Variants in EMG1 observed in about 807,000 individuals in gnomAD.
EMG1 encodes ribosomal RNA small subunit methyltransferase NEP1.
Under a neutral mutation model 26.9 loss-of-function variants are expected in EMG1, and 24 were observed. That is an observed-to-expected ratio of 0.89 (90% CI 0.65 to 1.26). EMG1 has a LOEUF of 1.26. Ranked by LOEUF, EMG1 falls within the 50% of genes most tolerant of loss-of-function variation. The pLI, the probability that EMG1 is intolerant of heterozygous loss-of-function variation, is 0.00. For synonymous variants in EMG1, 140 were observed against 112.6 expected (o/e 1.24, Z -1.54); for missense variants, 299 against 307.6 (o/e 0.97, Z 0.21).
downstream of EMG1, chr12:6,983,633 G>C (rs1316878521): frequency 2.0e-5 from 15 of 749,838 alleles, no homozygotes; most frequent in Non-Finnish European, 3.2e-5. Context: ...GCAGCCCAGA[G>C]GGAGAGAGAA....
At chr12:6,981,455 GCTATCTGAA>G, downstream of EMG1, 1 of 875,338 alleles carries the variant, frequency 1.1e-6, no homozygotes, top group Non-Finnish European at 1.9e-6. Flanking sequence ...CTTGCTCAGT[GCTATCTGAA>G]AGGGAGATTG....
In EMG1 at chr12:6,977,586, C is replaced by G. The variant is rs782178630; in HGVS notation, c.*1777C>G. On this transcript the variant is annotated 3_prime_UTR_variant, in exon 6 of 6. Coordinates refer to ENST00000599672, the MANE Select transcript of EMG1 (RefSeq NM_006331.8). This position sits in a 1 kb window ranked among gnomAD's most constrained non-coding sequence, Gnocchi z 4.5. Reference sequence around the variant, plus strand: ...CCTTATATTCCCCTTCACCCCCACCCTGGAGGCCTACCTGTCTTTCCACAA... The same window carrying G: ...CCTTATATTCCCCTTCACCCCCACCGTGGAGGCCTACCTGTCTTTCCACAA... The G allele has an allele frequency of 1.9e-6, 3 of 1,614,212 alleles. No homozygotes were observed. The highest frequency in any genetic ancestry group is 3.3e-5 in the Admixed American group (2 of 60,020).
At chr12:6,995,290 A>G (rs782406770) in intron 7 of EMG1, among the ~76,000 whole-genome samples, 10 of 152,186 alleles carry the variant, frequency 6.6e-5, no homozygotes, top group African/African-American at 2.4e-4. Context: ...CCTGACCAAC[A>G]TGGTGAAACC....
intron 7 of EMG1, among the ~76,000 whole-genome samples, chr12:6,995,410 G>A (rs1459875914): frequency 6.6e-6 from 1 of 151,300 alleles, no homozygotes; most frequent in Non-Finnish European, 1.5e-5. Flanking sequence ...GGAGGCGGAG[G>A]TTGCAGTGAG....
In EMG1 at chr12:6,979,852, G is replaced by A. The variant is rs781789415; in HGVS notation, c.*4043G>A. 8 of 423,644 alleles carry A rather than the reference G, an allele frequency of 1.9e-5. No homozygotes were observed. In the South Asian group the frequency reaches 2.9e-4, roughly 15 times the overall value. 26.2% of individuals were successfully genotyped at this position (423,644 alleles called of 1,614,324 possible). Reference sequence around the variant, plus strand: ...GTGTTTACCCCTCAGGGATGCTACTGATCTCAAGGTCTTGCCAGGTCTCAC... The same window carrying A: ...GTGTTTACCCCTCAGGGATGCTACTAATCTCAAGGTCTTGCCAGGTCTCAC... On this transcript the variant is annotated 3_prime_UTR_variant, in exon 6 of 6. Coordinates refer to ENST00000599672, the MANE Select transcript of EMG1 (RefSeq NM_006331.8).
downstream of EMG1, chr12:6,982,749 A>T (rs782108245): frequency 1.9e-6 from 3 of 1,614,048 alleles, no homozygotes; most frequent in Non-Finnish European, 2.5e-6. Flanking sequence ...GAACTGAAGC[A>T]CAATACACAG....
rs201967118 is a variant in EMG1, at chr12:6,971,277, T to TC, written c.168+186_168+187insC. Reference sequence around the variant, plus strand: ...ATGGTAGTACTCATTTTTCTTTCTTTTTTTTTTTTTTTTTGAGACGGAGTC... The same window carrying TC: ...ATGGTAGTACTCATTTTTCTTTCTTTCTTTTTTTTTTTTTTGAGACGGAGTC... On this transcript the variant is annotated intron_variant, in intron 1 of 5. Coordinates refer to ENST00000599672, the MANE Select transcript of EMG1 (RefSeq NM_006331.8). Among the ~76,000 whole-genome samples the TC allele has an allele frequency of 7.8e-3, 1,165 of 148,582 alleles. 15 individuals carry two copies. Among genetic ancestry groups the TC allele is most frequent in the African/African-American group, 0.028 (1,118 of 40,526 alleles).
Position 6,979,469 on chromosome 12 carries a change from A to T in EMG1, c.*3660A>T, listed in dbSNP as rs368708076. ...GCTGCTGCTGCTTTAGTAGACACTC[A>T]CGTCATAGTCTTCAGTGAGGAGATA... On this transcript the variant is annotated 3_prime_UTR_variant, in exon 6 of 6. Coordinates refer to ENST00000599672, the MANE Select transcript of EMG1 (RefSeq NM_006331.8). The T allele has an allele frequency of 1.2e-6, 2 of 1,603,664 alleles. No individual in the cohort carries two copies. Among genetic ancestry groups the T allele is most frequent in the Non-Finnish European group, 8.5e-7 (1 of 1,170,524 alleles).
chr12:6,992,278 A>G (rs1443140048), downstream of EMG1, among the ~76,000 whole-genome samples: 2 of 151,842 alleles, frequency 1.3e-5, no homozygotes, highest in African/African-American at 2.4e-5. Flanking sequence ...GGCGGCAGTG[A>G]GCTGTGATGC....
intron 1 of EMG1, among the ~76,000 whole-genome samples, chr12:6,974,013 G>T (rs1414995182): frequency 6.6e-6 from 1 of 152,206 alleles, no homozygotes; most frequent in Non-Finnish European, 1.5e-5. Flanking sequence ...ATGTCTCATT[G>T]GCCTTGCCTA....
At chr12:6,971,364 C>T (rs782815548) in intron 1 of EMG1, among the ~76,000 whole-genome samples, 4 of 151,178 alleles carry the variant, frequency 2.6e-5, no homozygotes, top group Admixed American at 2.0e-4. Context: ...ACTTCTGCCT[C>T]CCGCCTTCAA....
At position 6,975,758 on chromosome 12, in the gene EMG1, C is replaced by A; in HGVS notation, c.684C>A (p.Leu228=). 1 of 1,613,728 alleles carries A rather than the reference C, an allele frequency of 6.2e-7. No homozygotes were observed. Among genetic ancestry groups the A allele is most frequent in the Non-Finnish European group, 8.5e-7 (1 of 1,179,602 alleles). The change falls in exon 6 of 6, where the codon CTC becomes CTA. Residue 228 remains leucine (L), a synonymous_variant. Coordinates refer to ENST00000599672, the MANE Select transcript of EMG1 (RefSeq NM_006331.8). ...SISNYPLSAA[L]TCAKLTTAFE... ...GTAACTACCCCCTTTCTGCTGCCCT[C>A]ACCTGTGCAAAACTTACCACAGCCT... is the stretch of plus-strand genomic sequence containing the variant.
chr12:6,985,235 CA>C (rs1206891468), intron 6 of EMG1, among the ~76,000 whole-genome samples: 63 of 142,322 alleles, frequency 4.4e-4, no homozygotes, highest in Non-Finnish European at 3.7e-4. Flanking sequence ...ACTAAAAATA[CA>C]AAAAAAAAAA....
In EMG1 at chr12:6,977,144, G is replaced by A; in HGVS notation, c.*1335G>A. Reference sequence around the variant, plus strand: ...GCTGTATTAACTTACCAGGGAAATGGATTATTCCATCTTCTTTAACTTCTC... The same window carrying A: ...GCTGTATTAACTTACCAGGGAAATGAATTATTCCATCTTCTTTAACTTCTC... On this transcript the variant is annotated 3_prime_UTR_variant, in exon 6 of 6. Coordinates refer to ENST00000599672, the MANE Select transcript of EMG1 (RefSeq NM_006331.8). This position sits in a 1 kb window ranked among gnomAD's most constrained non-coding sequence, Gnocchi z 4.5. 6.3e-7 allele frequency: 1 copy of A among 1,583,016 alleles called. No individual in the cohort carries two copies. The highest frequency in any genetic ancestry group is 1.1e-5 in the South Asian group (1 of 90,410).
chr12:6,982,693 T>C (rs782140563), downstream of EMG1: 3 of 1,612,612 alleles, frequency 1.9e-6, no homozygotes, highest in African/African-American at 2.7e-5. Flanking sequence ...AAGCAAAAGG[T>C]AGTGAGGACG....
At chr12:6,971,177 G>C (rs1946321806) in intron 1 of EMG1, 86 bp downstream of exon 1, 1 of 1,154,934 alleles carries the variant, frequency 8.7e-7, no homozygotes, top group Non-Finnish European at 1.3e-6. Context: ...AGTGGATGTA[G>C]AAAGCAGAGA....
Position 6,978,560 on chromosome 12 carries a change from A to G in EMG1, c.*2751A>G. 1.2e-6 allele frequency: 2 copies of G among 1,613,390 alleles called. No individual in the cohort carries two copies. The highest frequency in any genetic ancestry group is 1.7e-6 in the Non-Finnish European group (2 of 1,179,522). On this transcript the variant is annotated 3_prime_UTR_variant, in exon 6 of 6. Transcript: ENST00000599672. ...CTTGCCACTCCCCATACTGGCCCCC[A>G]TGGCTTGTCTAAATAGGACCTTGTT...
chr12:6,981,495 A>G, downstream of EMG1: 3 of 1,163,986 alleles, frequency 2.6e-6, no homozygotes, highest in Non-Finnish European at 3.9e-6. Flanking sequence ...GGAATGAGGG[A>G]GAGGCTCCGC....
At position 6,977,758 on chromosome 12, in the gene EMG1, G is replaced by GTGGGTGGGGCGACCCTCAAAC; in HGVS notation, c.*1952_*1972dup. The GTGGGTGGGGCGACCCTCAAAC allele has an allele frequency of 6.2e-7, 1 of 1,613,892 alleles. No homozygotes were observed. Among genetic ancestry groups the GTGGGTGGGGCGACCCTCAAAC allele is most frequent in the Non-Finnish European group, 8.5e-7 (1 of 1,179,972 alleles). On this transcript the variant is annotated 3_prime_UTR_variant, in exon 6 of 6. Transcript: ENST00000599672. The surrounding 1 kb of genome is among the most constrained non-coding windows in gnomAD (Gnocchi z 4.5). ...TTTGAAGATGTAGCTGGAGAAAAGG[G>GTGGGTGGGGCGACCCTCAAAC]TGGGTGGGGCGACCCTCAAACTGAC...
Sources: allele counts gnomAD v4.1 joint callset (sites outside exome capture counted in the v4.1 genomes callset), GRCh38; gene constraint gnomAD v4.1.1; non-coding constraint Gnocchi (gnomAD v3.1); transcripts MANE v1.5; gene names NCBI Gene and HGNC (gene_info 2026-07-23, HGNC 2026-07-21).